KBTBD2: variants seen among roughly 807,000 people sequenced by gnomAD.
KBTBD2 encodes the protein kelch repeat and BTB domain containing 2, also known as kelch repeat and BTB domain-containing protein 2.
KBTBD2 carries 17 observed loss-of-function variants against 57.1 expected under a neutral mutation model. The observed-to-expected ratio is 0.30, with a 90% CI of 0.20 to 0.45. The LOEUF is 0.45. Among genes scored for constraint, KBTBD2 ranks in the 20% least tolerant of loss-of-function variants. The probability of loss-of-function intolerance (pLI) is 1.00; values close to 1 mark genes in which losing one functional copy is unlikely to be tolerated. For synonymous variants in KBTBD2, 267 were observed against 262.7 expected (o/e 1.02, Z -0.16); for missense variants, 515 against 750.6 (o/e 0.69, Z 3.67).
At chr7:32,887,674 A>G (rs1232947373) in intron 1 of KBTBD2, among the ~76,000 whole-genome samples, 1 of 152,352 alleles carries the variant, frequency 6.6e-6, no homozygotes, top group East Asian at 1.9e-4. Flanking sequence ...ACAAATGTCA[A>G]TAGAGAAGAT....
In KBTBD2 at chr7:32,879,767, CAGACTT is replaced by C. The variant is rs1784402996; in HGVS notation, c.-169_-164del. ...CACTAATGAGTAATATCTTGTTACA[CAGACTT>C]AGAATCACTCCTAGGTCATCCTGTG... On this transcript the variant is annotated 5_prime_UTR_variant, in exon 2 of 4. Coordinates refer to ENST00000304056, the MANE Select transcript of KBTBD2 (RefSeq NM_015483.3). 3 of 604,806 alleles carry C rather than the reference CAGACTT, an allele frequency of 5.0e-6. No homozygotes were observed. The South Asian group carries it at 6.2e-5, about 13-fold the overall frequency. 37.5% of individuals were successfully genotyped at this position (604,806 alleles called of 1,614,324 possible).
chr7:32,885,471 TTAAAAAAAAAAAA>T (rs1784555018), intron 1 of KBTBD2, among the ~76,000 whole-genome samples: 1 of 101,302 alleles, frequency 9.9e-6, no homozygotes, highest in South Asian at 3.6e-4. Flanking sequence ...TTAATTAAGG[TTAAAAAAAAAAAA>T]AAAGACATCT....
At chr7:32,886,845 G>T in intron 1 of KBTBD2, among the ~76,000 whole-genome samples, 1 of 152,060 alleles carries the variant, frequency 6.6e-6, no homozygotes, top group East Asian at 1.9e-4. Flanking sequence ...TACAGATTCT[G>T]ATTATTAACA....
chr7:32,891,605 G>A lies in KBTBD2; in HGVS notation c.-408C>T, dbSNP rs1333948578. 6.7e-6 allele frequency: 1 copy of A among 149,920 alleles called. No homozygotes were observed. Among genetic ancestry groups the A allele is most frequent in the African/African-American group, 2.4e-5 (1 of 41,060 alleles). The allele number at this position is 149,920 out of a possible 1,614,324, so 9.3% of individuals were successfully genotyped here. A position where few individuals can be genotyped will look rare whatever the true frequency, so the allele number is the denominator to read the frequency against. On this transcript the variant is annotated 5_prime_UTR_variant, in exon 1 of 4. Coordinates refer to ENST00000304056, the MANE Select transcript of KBTBD2 (RefSeq NM_015483.3). ...GCCCCGTCCACACTGGGCCCCTCCG[G>A]CGCGGCGGCGGGGGCGTGGCCCTCC...
intron 2 of KBTBD2, among the ~76,000 whole-genome samples, chr7:32,876,776 T>C (rs1784322637): frequency 6.6e-6 from 1 of 151,952 alleles, no homozygotes; most frequent in Non-Finnish European, 1.5e-5. Context: ...GCCAACATGG[T>C]GAAACCCTGT....
rs1784663506 is a variant in KBTBD2 at position 32,889,190 on chromosome 7, C to G, written c.-339+2346G>C. 3.3e-5 allele frequency among the ~76,000 whole-genome samples: 5 copies of G among 151,922 alleles called. 1 individual carries two copies. The highest frequency in any genetic ancestry group is 3.3e-4 in the Admixed American group (5 of 15,252). Reference sequence around the variant, plus strand: ...AGCCCAGCGTGGGCTACTCAGGAAGCTGAGGCAGGAGAATGGCGTGAACCC... The same window carrying G: ...AGCCCAGCGTGGGCTACTCAGGAAGGTGAGGCAGGAGAATGGCGTGAACCC... On this transcript the variant is annotated intron_variant, in intron 1 of 3. Transcript: ENST00000304056.
At chr7:32,873,042 T>G (rs1184801757) in intron 3 of KBTBD2, among the ~76,000 whole-genome samples, 1 of 152,182 alleles carries the variant, frequency 6.6e-6, no homozygotes, top group Non-Finnish European at 1.5e-5. Flanking sequence ...TATTAAGTAC[T>G]TAACAAATAT....
chr7:32,880,726 G>A (rs1159302760), intron 1 of KBTBD2, among the ~76,000 whole-genome samples: 2 of 152,164 alleles, frequency 1.3e-5, no homozygotes, highest in Admixed American at 6.5e-5. Context: ...TATTTGAGGG[G>A]AAGAAGGGCA....
intron 3 of KBTBD2, among the ~76,000 whole-genome samples, chr7:32,872,607 C>G (rs1444994419): frequency 6.6e-6 from 1 of 152,042 alleles, no homozygotes; most frequent in Non-Finnish European, 1.5e-5. Context: ...GAGCCCAGAT[C>G]GAGGCTGCAG....
chr7:32,891,917 T>G (rs1355317846), upstream of KBTBD2: 3 of 34,896 alleles, frequency 8.6e-5, no homozygotes, highest in African/African-American at 4.5e-4. Flanking sequence ...CGCCGCGCGC[T>G]CTCGCCCCCG....
chr7:32,878,854 T>A (rs954649319), intron 2 of KBTBD2, among the ~76,000 whole-genome samples: 3 of 152,212 alleles, frequency 2.0e-5, no homozygotes, highest in Non-Finnish European at 4.4e-5. Flanking sequence ...TATGTATTTG[T>A]TATTAGCAAA....
In KBTBD2 at chr7:32,873,384, CA is replaced by C. The variant is rs544661966; in HGVS notation, c.336+1607del. On this transcript the variant is annotated intron_variant, in intron 3 of 3. Coordinates refer to ENST00000304056, the MANE Select transcript of KBTBD2 (RefSeq NM_015483.3). ...AAAATTAGTATATCTAAGCTCTAAG[CA>C]AAAAAAAAAAAAAAAAAAATTGAAA... Among the ~76,000 whole-genome samples the C allele has an allele frequency of 5.7e-3, 615 of 107,772 alleles. 4 individuals are homozygous for C. The highest frequency in any genetic ancestry group is 7.2e-3 in the Non-Finnish European group (391 of 54,016). The allele number at this position is 107,772 out of a possible 152,430, so 70.7% of individuals were successfully genotyped here.
intron 1 of KBTBD2, among the ~76,000 whole-genome samples, chr7:32,885,972 G>C (rs777341323): frequency 6.7e-6 from 1 of 150,262 alleles, no homozygotes; most frequent in Non-Finnish European, 1.5e-5. Context: ...GCAATGGTGT[G>C]ATCTAGGCTC....
chr7:32,882,260 C>A (rs993804397), intron 1 of KBTBD2, among the ~76,000 whole-genome samples: 3 of 152,118 alleles, frequency 2.0e-5, no homozygotes, highest in Non-Finnish European at 4.4e-5. Context: ...AAATTGTCCC[C>A]ATCCATGTTT....
At chr7:32,889,204 T>C (rs1784664005) in intron 1 of KBTBD2, among the ~76,000 whole-genome samples, 1 of 150,828 alleles carries the variant, frequency 6.6e-6, no homozygotes, top group South Asian at 2.1e-4. Context: ...GGCAGGAGAA[T>C]GGCGTGAACC....
rs374508157 is a variant in KBTBD2, at chr7:32,871,774, T to A, written c.337-894A>T. On this transcript the variant is annotated intron_variant, in intron 3 of 3. Coordinates refer to ENST00000304056, the MANE Select transcript of KBTBD2 (RefSeq NM_015483.3). ...CACCATCTGGTACTGAAACATATGA[T>A]CACTTCATGTGGTTGATAGTGAAAG... 5.3e-5 allele frequency among the ~76,000 whole-genome samples: 8 copies of A among 152,166 alleles called. No individual in the cohort carries two copies. In the East Asian group the frequency reaches 1.5e-3, roughly 29 times the overall value.
chr7:32,884,390 TAAAAAA>T (rs11363525), intron 1 of KBTBD2, among the ~76,000 whole-genome samples: 1 of 125,794 alleles, frequency 7.9e-6, no homozygotes, highest in Non-Finnish European at 1.7e-5. Flanking sequence ...ATTTTTAATT[TAAAAAA>T]AAAAAAAAAA....
chr7:32,887,138 A>C (rs1442945816), intron 1 of KBTBD2, among the ~76,000 whole-genome samples: 1 of 152,224 alleles, frequency 6.6e-6, no homozygotes, highest in Non-Finnish European at 1.5e-5. Flanking sequence ...GAACGAATAA[A>C]GGATTAAAGA....
chr7:32,887,222 G>A (rs369764908), intron 1 of KBTBD2, among the ~76,000 whole-genome samples: 3 of 152,340 alleles, frequency 2.0e-5, no homozygotes. Flanking sequence ...AGGATAAAAA[G>A]ATGGGAAGGA....
Sources: gnomAD v4.1 joint callset for allele counts (sites outside exome capture counted in the v4.1 genomes callset) on GRCh38, gnomAD v4.1.1 for gene constraint, MANE v1.5 for transcripts, NCBI Gene and HGNC (gene_info 2026-07-23, HGNC 2026-07-21) for gene names.